STON2: variants seen among roughly 807,000 people sequenced by gnomAD.
STON2 encodes stonin 2, also known as stonin-2.
STON2 carries 29 observed loss-of-function variants against 65.7 expected under a neutral mutation model. The ratio of observed to expected loss-of-function variants is 0.44; its 90% confidence interval spans 0.33 to 0.60. The LOEUF (loss-of-function observed/expected upper bound fraction) is 0.60. Ranked by LOEUF, STON2 falls within the 20% of genes least tolerant of loss-of-function variation. The pLI, the probability that STON2 is intolerant of heterozygous loss-of-function variation, is 0.03. For missense variants in STON2, 1,054 were observed against 1,118.1 expected, an observed-to-expected ratio of 0.94 and a Z score of 0.82; for synonymous variants, 404 against 414.2, an observed-to-expected ratio of 0.98 and a Z score of 0.30.
intron 5 of STON2, among the ~76,000 whole-genome samples, chr14:81,284,559 C>A (rs1384611422): frequency 6.6e-6 from 1 of 152,122 alleles, no homozygotes; most frequent in Non-Finnish European, 1.5e-5. Flanking sequence ...AGGAAAGAAG[C>A]CATTTCCATA....
In STON2 at chr14:81,267,536, T is replaced by G. The variant is rs982639934; in HGVS notation, c.*878A>C. 2.0e-6 allele frequency: 2 copies of G among 985,274 alleles called. No homozygotes were observed. The highest frequency in any genetic ancestry group is 3.5e-5 in the African/African-American group (2 of 57,244). The allele number at this position is 985,274 out of a possible 1,614,324, so 61.0% of individuals were successfully genotyped here. A position where few individuals can be genotyped will look rare whatever the true frequency, so the allele number is the denominator to read the frequency against. Reference sequence around the variant, plus strand: ...CAAATGCCTCAGGTATTATGTATATTTGTTTCAGGAATCAGAAGTGGACTG... The same window carrying G: ...CAAATGCCTCAGGTATTATGTATATGTGTTTCAGGAATCAGAAGTGGACTG... On this transcript the variant is annotated 3_prime_UTR_variant, in exon 8 of 8. Coordinates refer to ENST00000614646, the MANE Select transcript of STON2 (RefSeq NM_001394390.1).
At position 81,267,802 on chromosome 14, in the gene STON2, A is replaced by G; in HGVS notation, c.*612T>C. The G allele has an allele frequency of 6.1e-6, 6 of 985,466 alleles. No homozygotes were observed. Among genetic ancestry groups the G allele is most frequent in the Non-Finnish European group, 6.0e-6 (5 of 829,942 alleles). The allele number at this position is 985,466 out of a possible 1,614,324, so 61.0% of individuals were successfully genotyped here. A position where few individuals can be genotyped will look rare whatever the true frequency, so the allele number is the denominator to read the frequency against. On this transcript the variant is annotated 3_prime_UTR_variant, in exon 8 of 8. Coordinates refer to ENST00000614646, the MANE Select transcript of STON2 (RefSeq NM_001394390.1). ...GCAAATCCTGTGACTGAAACCTTAG[A>G]GAGATGGAAAAAGTGTTCCAATCTA... is the stretch of plus-strand genomic sequence containing the variant.
chr14:81,402,731 T>C (rs1383153076), upstream of STON2, among the ~76,000 whole-genome samples: 2 of 152,170 alleles, frequency 1.3e-5, no homozygotes, highest in East Asian at 1.9e-4. Flanking sequence ...TGCCAATGCC[T>C]TGGCTCAGCC....
At chr14:81,302,662 T>C (rs1371911502) in intron 5 of STON2, among the ~76,000 whole-genome samples, 1 of 152,226 alleles carries the variant, frequency 6.6e-6, no homozygotes, top group Non-Finnish European at 1.5e-5. Context: ...TTTACATCAT[T>C]TAATCATCAG....
chr14:81,430,994 G>A lies in STON2; in HGVS notation c.-309-3782C>T, dbSNP rs572895660. 5.3e-5 allele frequency among the ~76,000 whole-genome samples: 8 copies of A among 152,216 alleles called. No individual in the cohort carries two copies. The East Asian group carries it at 1.5e-3, about 29-fold the overall frequency. On this transcript the variant is annotated intron_variant, in intron 1 of 8. Coordinates refer to the STON2 transcript ENST00000553821. ...TTGAAATTTCAGGCCAGGTTTCCTG[G>A]AAACCTGAGCTGGAGGGAACTGTGG...
At chr14:81,356,981 T>C (rs147397764) in intron 4 of STON2, among the ~76,000 whole-genome samples, 2,038 of 152,272 alleles carry the variant, frequency 0.013, 52 homozygotes, top group African/African-American at 0.046. Context: ...TTTCAGGACA[T>C]AGGCACGGGC....
At chr14:81,279,170 T>A (rs1895005334) in intron 5 of STON2, among the ~76,000 whole-genome samples, 1 of 152,136 alleles carries the variant, frequency 6.6e-6, no homozygotes, top group Non-Finnish European at 1.5e-5. Context: ...CGTCTGTAAG[T>A]GATAATATGA....
intron 1 of STON2, among the ~76,000 whole-genome samples, 71 bp downstream of exon 1, chr14:81,400,208 T>A (rs939315535): frequency 1.3e-5 from 2 of 152,048 alleles, no homozygotes; most frequent in Non-Finnish European, 2.9e-5. Context: ...TCTCCTAGGA[T>A]CCTTGCCAAC....
At chr14:81,433,679 T>C (rs1390991400) in intron 1 of STON2, among the ~76,000 whole-genome samples, 1 of 152,190 alleles carries the variant, frequency 6.6e-6, no homozygotes, top group African/African-American at 2.4e-5. Flanking sequence ...ACAGTTTTGT[T>C]CTATCATGTC....
chr14:81,341,500 G>A (rs1342857764), intron 4 of STON2, among the ~76,000 whole-genome samples: 2 of 137,494 alleles, frequency 1.5e-5, no homozygotes, highest in African/African-American at 2.9e-5. Context: ...TCCTATTTCC[G>A]GGAGGTCACA....
chr14:81,262,566 A>G lies in STON2; in HGVS notation c.*5848T>C, dbSNP rs188855109. On this transcript the variant is annotated 3_prime_UTR_variant, in exon 8 of 8. Transcript: ENST00000614646. ...CTAGATTTTACTTTTTCATATTGAA[A>G]TTCTTTTTTTAGTCTATTCTCTTGT... 1.2e-4 allele frequency: 120 copies of G among 985,414 alleles called. No homozygotes were observed. Among genetic ancestry groups the G allele is most frequent in the Non-Finnish European group, 1.4e-4 (114 of 829,902 alleles). 61.0% of individuals were successfully genotyped at this position (985,414 alleles called of 1,614,324 possible). A position where few individuals can be genotyped will look rare whatever the true frequency, so the allele number is the denominator to read the frequency against.
At chr14:81,427,298 G>C (rs777942567) in intron 1 of STON2, 29 of 152,260 alleles carry the variant, frequency 1.9e-4, no homozygotes, top group African/African-American at 6.3e-4. Context: ...CAAAGTGCCT[G>C]ACCTGACTGG....
At chr14:81,312,937 G>T (rs1365406489) in intron 5 of STON2, among the ~76,000 whole-genome samples, 3 of 152,198 alleles carry the variant, frequency 2.0e-5, no homozygotes, top group Non-Finnish European at 4.4e-5. Flanking sequence ...TGCTTGTAAG[G>T]CTCGGCAGTC....
chr14:81,369,160 G>A (rs776368419), intron 4 of STON2, among the ~76,000 whole-genome samples: 5 of 152,124 alleles, frequency 3.3e-5, no homozygotes, highest in African/African-American at 9.6e-5. Context: ...TGATTCCAGC[G>A]CTTGCTTTCT....
chr14:81,341,542 A>C (rs1030849897), intron 4 of STON2, among the ~76,000 whole-genome samples: 2 of 150,278 alleles, frequency 1.3e-5, no homozygotes, highest in African/African-American at 5.0e-5. Flanking sequence ...TGTATTACTA[A>C]CCTAAATCAT....
At chr14:81,334,516 T>C (rs182163257) in intron 4 of STON2, among the ~76,000 whole-genome samples, 40 of 152,036 alleles carry the variant, frequency 2.6e-4, no homozygotes, top group Non-Finnish European at 4.7e-4. Context: ...GGTGAAGAAC[T>C]AGAATTTTAG....
intron 3 of STON2, among the ~76,000 whole-genome samples, chr14:81,388,310 T>C (rs1207742222): frequency 6.6e-6 from 1 of 152,186 alleles, no homozygotes; most frequent in African/African-American, 2.4e-5. Context: ...CCAACCGTGA[T>C]GGCACTTATT....
At chr14:81,398,781 C>G (rs1217772546) in intron 1 of STON2, among the ~76,000 whole-genome samples, 1 of 152,090 alleles carries the variant, frequency 6.6e-6, no homozygotes, top group Non-Finnish European at 1.5e-5. Context: ...TCTAGATAAG[C>G]CTTCATATCA....
chr14:81,428,745 C>A (rs1201489706), intron 1 of STON2, among the ~76,000 whole-genome samples: 5 of 151,982 alleles, frequency 3.3e-5, no homozygotes, highest in African/African-American at 1.2e-4. Flanking sequence ...AAACAAAAAC[C>A]AAAAAAACTT....
Sources: allele counts gnomAD v4.1 joint callset (sites outside exome capture counted in the v4.1 genomes callset), GRCh38; gene constraint gnomAD v4.1.1; transcripts MANE v1.5; gene names NCBI Gene and HGNC (gene_info 2026-07-23, HGNC 2026-07-21).